The following ELFN1 variants were observed in gnomAD, a reference collection of about 807,000 sequenced individuals.
ELFN1 encodes the protein protein ELFN1.
Under a neutral mutation model 7.6 loss-of-function variants are expected in ELFN1, and 6 were observed. The observed-to-expected ratio is 0.79, with a 90% CI of 0.43 to 1.56. ELFN1 has a LOEUF of 1.56. ELFN1 is among the 40% of genes most tolerant of loss of function. The pLI is 0.01. For missense variants in ELFN1, 1,169 were observed against 1,232.2 expected, an observed-to-expected ratio of 0.95 and a Z score of 0.77; for synonymous variants, 657 against 588.1, an observed-to-expected ratio of 1.12 and a Z score of -1.70.
intron 2 of ELFN1, among the ~76,000 whole-genome samples, chr7:1,702,472 T>C (rs1488037737): frequency 6.6e-6 from 1 of 150,952 alleles, no homozygotes; most frequent in African/African-American, 2.5e-5. Flanking sequence ...CCTTGTTCTT[T>C]TTATTTAGTG....
In ELFN1 at chr7:1,703,821, G is replaced by C. The variant is rs370867613; in HGVS notation, c.-455-5270G>C. On this transcript the variant is annotated intron_variant, in intron 2 of 3. Transcript: ENST00000424383. ...TTAGCTACATCCAGTGTAACCTTGG[G>C]GAGGTCTCTGTGTATGTTTGAGACT... Among the ~76,000 whole-genome samples, 6 of 152,316 alleles carry C rather than the reference G, an allele frequency of 3.9e-5. No individual in the cohort carries two copies. The East Asian group carries it at 5.8e-4, about 15-fold the overall frequency.
chr7:1,730,681 C>T (rs928469683), intron 3 of ELFN1, among the ~76,000 whole-genome samples: 9 of 152,178 alleles, frequency 5.9e-5, no homozygotes, highest in Non-Finnish European at 1.0e-4. Flanking sequence ...ACGTCTTTAT[C>T]GAAGTCAAGA....
intron 2 of ELFN1, among the ~76,000 whole-genome samples, chr7:1,707,186 C>T (rs535208074): frequency 6.6e-6 from 1 of 152,382 alleles, no homozygotes; most frequent in East Asian, 1.9e-4. Context: ...TGGGCCTCTG[C>T]TCACAGTGAC....
chr7:1,691,645 C>A (rs1000075173), intron 2 of ELFN1, among the ~76,000 whole-genome samples: 1 of 152,212 alleles, frequency 6.6e-6, no homozygotes, highest in Admixed American at 6.5e-5. Context: ...ACTGCCAGCT[C>A]TGCATCCCAC....
In ELFN1 at chr7:1,746,622, G is replaced by A. The variant is rs1240443026; in HGVS notation, c.2026G>A (p.Ala676Thr). The A allele has an allele frequency of 2.2e-5, 30 of 1,349,728 alleles. No homozygotes were observed. Among genetic ancestry groups the A allele is most frequent in the Non-Finnish European group, 2.6e-5 (27 of 1,055,642 alleles). 83.6% of individuals were successfully genotyped at this position (1,349,728 alleles called of 1,614,324 possible). The change falls in exon 4 of 4, where the codon GCG (alanine) becomes ACG (threonine). Residue 676 changes from alanine (A) to threonine (T), a missense_variant. By Grantham distance (58) the Ala-to-Thr change is moderately conservative. Coordinates refer to ENST00000424383, the MANE Select transcript of ELFN1 (RefSeq NM_001128636.4). ...CAAGTACATCGAGAAGGGCTCCCCC[G>A]CGGCCGACGCCATCCTCACTGTGAC... ...EAKYIEKGSP[A>T]ADAILTVTPA...
chr7:1,704,101 C>T (rs1779481879), intron 2 of ELFN1, among the ~76,000 whole-genome samples: 1 of 152,230 alleles, frequency 6.6e-6, no homozygotes, highest in African/African-American at 2.4e-5. Flanking sequence ...TGCAAGTCAG[C>T]CCATGGGAGG....
chr7:1,669,244 CTT>C (rs1778715764), upstream of ELFN1, among the ~76,000 whole-genome samples: 1 of 152,198 alleles, frequency 6.6e-6, no homozygotes, highest in South Asian at 2.1e-4. Flanking sequence ...TGAGTCAACT[CTT>C]TTGTATGCTC....
chr7:1,747,084 G>A lies in ELFN1; in HGVS notation c.*1G>A, dbSNP rs1562394187. ...CGTGTCGGCCCAGCACAAGTCCTGAGCCCCCCAAGACCGGCGATGCCCACT... is the reference window on the plus strand; with the variant it reads ...CGTGTCGGCCCAGCACAAGTCCTGAACCCCCCAAGACCGGCGATGCCCACT... On this transcript the variant is annotated 3_prime_UTR_variant, in exon 4 of 4. Coordinates refer to ENST00000424383, the MANE Select transcript of ELFN1 (RefSeq NM_001128636.4). 3 of 1,485,338 alleles carry A rather than the reference G, an allele frequency of 2.0e-6. No individual in the cohort carries two copies. Among genetic ancestry groups the A allele is most frequent in the Admixed American group, 4.5e-5 (2 of 44,036 alleles). The allele number at this position is 1,485,338 out of a possible 1,614,324, so 92.0% of individuals were successfully genotyped here.
At chr7:1,708,227 T>G (rs1355190089) in intron 2 of ELFN1, among the ~76,000 whole-genome samples, 1 of 152,200 alleles carries the variant, frequency 6.6e-6, no homozygotes, top group African/African-American at 2.4e-5. Context: ...CAGCCTCAGT[T>G]TCCCTATCTG....
At position 1,735,513 on chromosome 7, in the gene ELFN1, C is replaced by A. The variant is rs1780420304; in HGVS notation, c.-293-8791C>A. ...CTGCGGCCATGTCCCCAGGAGCCAGCCCCGCCGAGTCAGCCCTCCCAGCCC... is the reference window on the plus strand; with the variant it reads ...CTGCGGCCATGTCCCCAGGAGCCAGACCCGCCGAGTCAGCCCTCCCAGCCC... On this transcript the variant is annotated intron_variant, in intron 3 of 3. Transcript: ENST00000424383. The surrounding 1 kb of genome is among the most constrained non-coding windows in gnomAD (Gnocchi z 5.9). Among the ~76,000 whole-genome samples, 1 of 152,130 alleles carries A rather than the reference C, an allele frequency of 6.6e-6. No homozygotes were observed. The highest frequency in any genetic ancestry group is 6.5e-5 in the Admixed American group (1 of 15,288).
chr7:1,745,417 G>C lies in ELFN1; in HGVS notation c.821G>C (p.Arg274Pro). 6.5e-7 allele frequency: 1 copy of C among 1,538,940 alleles called. No individual in the cohort carries two copies. Residue 274 changes from arginine (R) to proline (P), a missense_variant, in exon 4 of 4, where the codon CGC becomes CCC. By Grantham distance (103) the Arg-to-Pro change is moderately radical. Coordinates refer to ENST00000424383, the MANE Select transcript of ELFN1 (RefSeq NM_001128636.4). Reference sequence around the variant, plus strand: ...GCATCCGGGCGCTCACAGCCGGGCCGCTCCCCGCCGCCCCCGCCTCCGCCG... The same window carrying C: ...GCATCCGGGCGCTCACAGCCGGGCCCCTCCCCGCCGCCCCCGCCTCCGCCG... ...RPASGRSQPG[R>P]SPPPPPPPEP...
In ELFN1 at chr7:1,746,648, A is replaced by G; in HGVS notation, c.2052A>G (p.Thr684=). ...CGGCCGACGCCATCCTCACTGTGAC[A>G]CCCGCGGCCGCCGTGCTGCGGGCCG... is the stretch of plus-strand genomic sequence containing the variant. ...SPAADAILTV[T]PAAAVLRAEA... The change falls in exon 4 of 4, where the codon ACA becomes ACG. Residue 684 remains threonine (T), a synonymous_variant. Transcript: ENST00000424383. 7.4e-7 allele frequency: 1 copy of G among 1,356,910 alleles called. No homozygotes were observed. Among genetic ancestry groups the G allele is most frequent in the Non-Finnish European group, 9.4e-7 (1 of 1,060,326 alleles). 84.1% of individuals were successfully genotyped at this position (1,356,910 alleles called of 1,614,324 possible). A position where few individuals can be genotyped will look rare whatever the true frequency, so the allele number is the denominator to read the frequency against.
Position 1,709,223 on chromosome 7 carries a change from A to G in ELFN1, c.-323A>G, listed in dbSNP as rs1007479265. ...CCTCCAGCCTATTCCTCGCTGGTGC[A>G]TCAGGTCGTTGGCGGGCCCTGACAC... On this transcript the variant is annotated 5_prime_UTR_variant, in exon 3 of 4. Coordinates refer to ENST00000424383, the MANE Select transcript of ELFN1 (RefSeq NM_001128636.4). 1 of 152,252 alleles carries G rather than the reference A, an allele frequency of 6.6e-6. No homozygotes were observed. The allele number at this position is 152,252 out of a possible 1,614,324, so 9.4% of individuals were successfully genotyped here.
Position 1,693,856 on chromosome 7 carries a change from C to G in ELFN1, c.-456+5706C>G, listed in dbSNP as rs1343807034. On this transcript the variant is annotated intron_variant, in intron 2 of 3. Transcript: ENST00000424383. Reference sequence around the variant, plus strand: ...GCCAATCGGGGTTCCTGGGCAGAGGCTCCAGCAGGAGTGAGAGTGCTTCCT... The same window carrying G: ...GCCAATCGGGGTTCCTGGGCAGAGGGTCCAGCAGGAGTGAGAGTGCTTCCT... 17 of 452,270 alleles carry G rather than the reference C, an allele frequency of 3.8e-5. No individual in the cohort carries two copies. In the Admixed American group the frequency reaches 3.8e-4, roughly 10 times the overall value. 28.0% of individuals were successfully genotyped at this position (452,270 alleles called of 1,614,324 possible). A position where few individuals can be genotyped will look rare whatever the true frequency, so the allele number is the denominator to read the frequency against.
At position 1,746,415 on chromosome 7, in the gene ELFN1, G is replaced by A. The variant is rs777903379; in HGVS notation, c.1819G>A (p.Ala607Thr). The change falls in exon 4 of 4, where the codon GCC becomes ACC. Residue 607 changes from alanine (A) to threonine (T), a missense_variant. This residue lies in a region of ELFN1 where 914 missense variants were observed against 872.6 expected (regional missense o/e 1.05). Transcript: ENST00000424383. Reference protein sequence around the residue: ...PLVLLSEPLAAKHGFLAPGYK... With the variant: ...PLVLLSEPLATKHGFLAPGYK... ...GGTGCTGCTGTCCGAGCCGCTGGCC[G>A]CCAAGCACGGCTTCCTGGCGCCCGG... 5.1e-5 allele frequency: 78 copies of A among 1,533,742 alleles called. No individual in the cohort carries two copies. The highest frequency in any genetic ancestry group is 6.5e-5 in the Non-Finnish European group (74 of 1,142,004).
intron 2 of ELFN1, among the ~76,000 whole-genome samples, chr7:1,704,756 C>T (rs1303519417): frequency 6.6e-6 from 1 of 152,108 alleles, no homozygotes; most frequent in Non-Finnish European, 1.5e-5. Context: ...CCCAGCCCCC[C>T]AGTAGGGGGC....
At chr7:1,672,493 T>C (rs1778786312) in intron 1 of ELFN1, among the ~76,000 whole-genome samples, 1 of 152,012 alleles carries the variant, frequency 6.6e-6, no homozygotes, top group African/African-American at 2.4e-5. Context: ...AAATGTATAC[T>C]TGTAGGCTTC....
At chr7:1,704,688 C>T (rs1779494946) in intron 2 of ELFN1, among the ~76,000 whole-genome samples, 1 of 152,128 alleles carries the variant, frequency 6.6e-6, no homozygotes, top group African/African-American at 2.4e-5. Flanking sequence ...TGAGACCCCA[C>T]ATCACGTCAC....
Position 1,740,302 on chromosome 7 carries a change from C to T in ELFN1, c.-293-4002C>T, listed in dbSNP as rs1193363293. 1.3e-5 allele frequency among the ~76,000 whole-genome samples: 2 copies of T among 152,202 alleles called. No homozygotes were observed. Among genetic ancestry groups the T allele is most frequent in the East Asian group, 3.9e-4 (2 of 5,190 alleles). On this transcript the variant is annotated intron_variant, in intron 3 of 3. Transcript: ENST00000424383. The surrounding 1 kb of genome is among the most constrained non-coding windows in gnomAD (Gnocchi z 5.0). Reference sequence around the variant, plus strand: ...GCCCTCCCTGGGGCCTTGTGGTCCACGCCCATACGAGCCTCTGGGTCTGAG... The same window carrying T: ...GCCCTCCCTGGGGCCTTGTGGTCCATGCCCATACGAGCCTCTGGGTCTGAG...
Sources: gnomAD v4.1 joint callset for allele counts (sites outside exome capture counted in the v4.1 genomes callset) on GRCh38, gnomAD v4.1.1 for gene constraint, gnomAD v4.1.1 regional missense constraint, Gnocchi (gnomAD v3.1) non-coding constraint, MANE v1.5 for transcripts, NCBI Gene and HGNC (gene_info 2026-07-23, HGNC 2026-07-21) for gene names.